TDRD7: variants seen among roughly 807,000 people sequenced by gnomAD.
TDRD7 encodes tudor domain-containing protein 7.
A neutral mutation model predicts 109.8 loss-of-function variants in TDRD7; 47 were observed. That is an observed-to-expected ratio of 0.43 (90% CI 0.34 to 0.55). The LOEUF (loss-of-function observed/expected upper bound fraction) is 0.55. Ranked by LOEUF, TDRD7 falls within the 20% of genes least tolerant of loss-of-function variation. TDRD7 has a pLI of 0.03. For missense variants in TDRD7, 1,164 were observed against 1,319.2 expected (o/e 0.88, Z 1.82); for synonymous variants, 424 against 457.3 (o/e 0.93, Z 0.93).
chr9:97,482,907 A>G lies in TDRD7; in HGVS notation c.2471A>G (p.Asn824Ser), dbSNP rs1428027171. ...IAHVYLFTPK[N>S]FPDPHRSINR... ...CATGTTTATTTATTTACCCCTAAGAACTTCCCTGACCCTCATCGCAGTATT... is the reference window on the plus strand; with the variant it reads ...CATGTTTATTTATTTACCCCTAAGAGCTTCCCTGACCCTCATCGCAGTATT... Residue 824 changes from asparagine to serine, a missense_variant, in exon 15 of 17, where the codon AAC becomes AGC. Coordinates refer to ENST00000355295, the MANE Select transcript of TDRD7 (RefSeq NM_014290.3). 6.2e-7 allele frequency: 1 copy of G among 1,614,066 alleles called. No homozygotes were observed. The highest frequency in any genetic ancestry group is 1.3e-5 in the African/African-American group (1 of 74,928).
chr9:97,441,400 G>A (rs1459987590), intron 5 of TDRD7, among the ~76,000 whole-genome samples: 1 of 152,046 alleles, frequency 6.6e-6, no homozygotes, highest in African/African-American at 2.4e-5. Context: ...AAACTATGAA[G>A]CATCCTTGCA....
intron 1 of TDRD7, among the ~76,000 whole-genome samples, chr9:97,425,590 T>C (rs1002699483): frequency 1.3e-5 from 2 of 152,078 alleles, no homozygotes; most frequent in African/African-American, 4.8e-5. Context: ...GTATCCCCAT[T>C]GTTAAGTGAC....
Position 97,460,627 on chromosome 9 carries a change from G to T in TDRD7, c.1305G>T (p.Leu435Phe), listed in dbSNP as rs186876252. 1.2e-4 allele frequency: 193 copies of T among 1,614,184 alleles called. No homozygotes were observed. Among genetic ancestry groups the T allele is most frequent in the Non-Finnish European group, 1.5e-4 (179 of 1,180,020 alleles). ...DIKAMVEQEY[L>F]QVEESIAESA... is the part of the protein sequence containing the mutation. ...AGGCTATGGTTGAACAAGAGTATTTGCAGGTAGAAGAAAGCATTGCTGAAA... is the reference window on the plus strand; with the variant it reads ...AGGCTATGGTTGAACAAGAGTATTTTCAGGTAGAAGAAAGCATTGCTGAAA... The change falls in exon 7 of 17, where the codon TTG becomes TTT. Residue 435 changes from leucine to phenylalanine, a missense_variant. Coordinates refer to ENST00000355295, the MANE Select transcript of TDRD7 (RefSeq NM_014290.3).
At position 97,460,051 on chromosome 9, in the gene TDRD7, A is replaced by G. The variant is rs1828682410; in HGVS notation, c.856-127A>G. On this transcript the variant is annotated intron_variant, in intron 6 of 16. Coordinates refer to ENST00000355295, the MANE Select transcript of TDRD7 (RefSeq NM_014290.3). ...ATGCATTAAAGTCCTAGCAATTGAA[A>G]AGAGTAAATCGTACACTTGATTAAT... 6.2e-6 allele frequency: 5 copies of G among 802,946 alleles called. No individual in the cohort carries two copies. The Admixed American group carries it at 6.3e-5, about 10-fold the overall frequency. 49.7% of individuals were successfully genotyped at this position (802,946 alleles called of 1,614,324 possible). A position where few individuals can be genotyped will look rare whatever the true frequency, so the allele number is the denominator to read the frequency against.
chr9:97,429,161 T>C (rs1828057752), intron 2 of TDRD7, among the ~76,000 whole-genome samples: 4 of 152,318 alleles, frequency 2.6e-5, no homozygotes, highest in Middle Eastern at 3.4e-3. Flanking sequence ...TTGTGTCTTC[T>C]CTTCTGTTCT....
intron 12 of TDRD7, 139 bp from the exon 13 acceptor site, chr9:97,478,300 T>G (rs1405793763): frequency 1.3e-6 from 1 of 752,880 alleles, no homozygotes; most frequent in African/African-American, 1.8e-5. Flanking sequence ...ATAAATACAT[T>G]TTAAATTAGG....
chr9:97,478,752 A>G, intron 13 of TDRD7, 179 bp downstream of exon 13: 1 of 781,618 alleles, frequency 1.3e-6, no homozygotes, highest in Non-Finnish European at 2.1e-6. Context: ...CAAGAAGACC[A>G]GTCATATTTA....
At chr9:97,436,239 T>C (rs1307145962) in intron 4 of TDRD7, among the ~76,000 whole-genome samples, 1 of 152,182 alleles carries the variant, frequency 6.6e-6, no homozygotes, top group Non-Finnish European at 1.5e-5. Context: ...TGAGAGTGAT[T>C]ATTTTCTTGT....
intron 13 of TDRD7, 160 bp from the exon 14 acceptor site, chr9:97,480,668 A>G: frequency 1.4e-6 from 1 of 691,708 alleles, no homozygotes; most frequent in South Asian, 1.5e-5. Flanking sequence ...TTAGGAACAT[A>G]GCAGATGCTC....
At chr9:97,471,788 A>G (rs1402958822) in intron 9 of TDRD7, among the ~76,000 whole-genome samples, 2 of 152,190 alleles carry the variant, frequency 1.3e-5, no homozygotes, top group African/African-American at 4.8e-5. Context: ...ACACTACTTA[A>G]TCTGTCTTTG....
chr9:97,457,097 T>C (rs1221217197), intron 6 of TDRD7, among the ~76,000 whole-genome samples: 2 of 152,110 alleles, frequency 1.3e-5, no homozygotes, highest in Non-Finnish European at 2.9e-5. Context: ...CAGAGAAATG[T>C]TAATCAAAAC....
At chr9:97,424,850 T>C (rs1827959889) in intron 1 of TDRD7, among the ~76,000 whole-genome samples, 1 of 152,116 alleles carries the variant, frequency 6.6e-6, no homozygotes, top group Non-Finnish European at 1.5e-5. Context: ...CTCTACCCTT[T>C]TTTTTCTCCT....
intron 6 of TDRD7, 88 bp from the exon 7 acceptor site, chr9:97,460,090 G>T (rs1828682993): frequency 8.8e-7 from 1 of 1,131,738 alleles, no homozygotes; most frequent in Non-Finnish European, 1.3e-6. Flanking sequence ...GAAACAGCAT[G>T]ACTCTCAAAT....
intron 16 of TDRD7, 95 bp downstream of exon 16, chr9:97,487,427 G>T: frequency 6.4e-7 from 1 of 1,552,854 alleles, no homozygotes; most frequent in Non-Finnish European, 8.9e-7. Context: ...GGCCTCTTGA[G>T]TTTAGGTATG....
rs527319339 is a variant in TDRD7, at chr9:97,450,354, C to T, written c.855+8479C>T. 1.1e-4 allele frequency among the ~76,000 whole-genome samples: 17 copies of T among 152,320 alleles called. No homozygotes were observed. In the South Asian group the frequency reaches 1.7e-3, roughly 15 times the overall value. On this transcript the variant is annotated intron_variant, in intron 6 of 16. Coordinates refer to ENST00000355295, the MANE Select transcript of TDRD7 (RefSeq NM_014290.3). ...CTTCTCCCACAGTAGAGGAGGCCTT[C>T]TGACTCCCTCCTTAGGTATATGCCT...
intron 4 of TDRD7, among the ~76,000 whole-genome samples, chr9:97,436,156 G>A (rs1041562414): frequency 3.9e-5 from 6 of 152,060 alleles, no homozygotes; most frequent in African/African-American, 1.4e-4. Flanking sequence ...GGGGAAGAGG[G>A]TATATGTACT....
At chr9:97,469,070 G>C (rs533430174) in intron 8 of TDRD7, among the ~76,000 whole-genome samples, 20 of 152,316 alleles carry the variant, frequency 1.3e-4, no homozygotes, top group Non-Finnish European at 2.6e-4. Context: ...CTGTTCTTGT[G>C]CTAAGAATAC....
rs373541786 is a variant in TDRD7 at position 97,478,538 on chromosome 9, C to A, written c.2266C>A (p.Arg756=). The A allele has an allele frequency of 6.2e-7, 1 of 1,614,010 alleles. No homozygotes were observed. The highest frequency in any genetic ancestry group is 2.2e-5 in the East Asian group (1 of 44,860). The change falls in exon 13 of 17, where the codon CGG becomes AGG. Residue 756 remains arginine, a synonymous_variant. Transcript: ENST00000355295. The part of the protein sequence containing the change: ...KVSELREIPP[R]FLQEMIAIPP... ...GTCAGAGCTCAGGGAAATTCCACCT[C>A]GGTTTCTACAAGAAATGATTGCAAT...
chr9:97,431,000 G>A lies in TDRD7; in HGVS notation c.275G>A (p.Ser92Asn). Residue 92 changes from serine to asparagine, a missense_variant, in exon 3 of 17, where the codon AGT (serine) becomes AAT (asparagine). By Grantham distance (46) the Ser-to-Asn change is conservative. This residue lies in a region of TDRD7 where 101 missense variants were observed against 148.5 expected (regional missense o/e 0.68). Coordinates refer to ENST00000355295, the MANE Select transcript of TDRD7 (RefSeq NM_014290.3). Reference sequence around the variant, plus strand: ...GCTCAGCTTGTGGCTCGTCAAAGGAGTTCTAAAAGGAAAACCGGGCGTCAA... The same window carrying A: ...GCTCAGCTTGTGGCTCGTCAAAGGAATTCTAAAAGGAAAACCGGGCGTCAA... ...RIAQLVARQR[S>N]SKRKTGRQVN... The A allele has an allele frequency of 6.2e-7, 1 of 1,613,928 alleles. No individual in the cohort carries two copies. Among genetic ancestry groups the A allele is most frequent in the Non-Finnish European group, 8.5e-7 (1 of 1,179,880 alleles).
Sources: gnomAD v4.1 joint callset for allele counts (sites outside exome capture counted in the v4.1 genomes callset) on GRCh38, gnomAD v4.1.1 for gene constraint, gnomAD v4.1.1 regional missense constraint, MANE v1.5 for transcripts, NCBI Gene and HGNC (gene_info 2026-07-23, HGNC 2026-07-21) for gene names.